The following RNF170 variants were observed in gnomAD, a reference collection of about 807,000 sequenced individuals.
RNF170 encodes the protein E3 ubiquitin-protein ligase RNF170.
In RNF170, 12 loss-of-function variants were observed where a neutral mutation model predicts 32.7. The observed-to-expected ratio is 0.37, with a 90% CI of 0.24 to 0.60. The LOEUF (loss-of-function observed/expected upper bound fraction) is 0.60. RNF170 is among the 20% of genes least tolerant of loss of function. RNF170 has a pLI of 0.72. For missense variants in RNF170, 212 were observed against 311.2 expected, an observed-to-expected ratio of 0.68 and a Z score of 2.40; for synonymous variants, 91 against 103.6, an observed-to-expected ratio of 0.88 and a Z score of 0.74.
At chr8:42,857,977 G>C (rs993477984) in intron 6 of RNF170, among the ~76,000 whole-genome samples, 1 of 152,252 alleles carries the variant, frequency 6.6e-6, no homozygotes, top group Non-Finnish European at 1.5e-5. Flanking sequence ...AGAGGTTGCA[G>C]TGAGCCGAGA....
chr8:42,872,793 T>C (rs1804623906), intron 3 of RNF170, among the ~76,000 whole-genome samples: 1 of 152,020 alleles, frequency 6.6e-6, no homozygotes, highest in African/African-American at 2.4e-5. Flanking sequence ...GGGTAGGAAT[T>C]TTTGTCTGTT....
intron 2 of RNF170, among the ~76,000 whole-genome samples, chr8:42,886,412 C>A (rs1805829718): frequency 6.6e-6 from 1 of 152,096 alleles, no homozygotes; most frequent in African/African-American, 2.4e-5. Flanking sequence ...CAGTGTATCA[C>A]CAGTATCAAT....
chr8:42,870,017 T>C lies in RNF170; in HGVS notation c.309A>G (p.Gly103=). ...TTGTTTGCTTACCACAAAAAAGATGTCCACAGTTGGTCTCCACCGGGAAGG... is the reference window on the plus strand; with the variant it reads ...TTGTTTGCTTACCACAAAAAAGATGCCCACAGTTGGTCTCCACCGGGAAGG... The part of the protein sequence containing the change: ...QASFPVETNC[G]HLFCGACIIA... The change falls in exon 4 of 7, where the codon GGA becomes GGG. Residue 103 remains glycine (G), a synonymous_variant. Coordinates refer to ENST00000527424, the MANE Select transcript of RNF170 (RefSeq NM_030954.4). 6.2e-7 allele frequency: 1 copy of C among 1,613,304 alleles called. No homozygotes were observed. The highest frequency in any genetic ancestry group is 2.2e-5 in the East Asian group (1 of 44,880).
At chr8:42,882,372 A>T in intron 2 of RNF170, among the ~76,000 whole-genome samples, 1 of 152,324 alleles carries the variant, frequency 6.6e-6, no homozygotes, top group Non-Finnish European at 1.5e-5. Context: ...TGGTATGTAC[A>T]TACAATGAGA....
chr8:42,865,070 A>C (rs976042469), intron 5 of RNF170, among the ~76,000 whole-genome samples: 1 of 151,776 alleles, frequency 6.6e-6, no homozygotes, highest in Non-Finnish European at 1.5e-5. Context: ...CAGCCTGGGC[A>C]ATGCAGGGAG....
chr8:42,891,937 A>G (rs982912229), intron 1 of RNF170, among the ~76,000 whole-genome samples: 11 of 152,188 alleles, frequency 7.2e-5, no homozygotes, highest in African/African-American at 2.7e-4. Flanking sequence ...TCAAGTATGA[A>G]TTACTTTAAC....
At chr8:42,874,035 A>T in intron 2 of RNF170, 29 bp from the exon 3 acceptor site, 1 of 1,303,812 alleles carries the variant, frequency 7.7e-7, no homozygotes, top group Non-Finnish European at 1.1e-6. Flanking sequence ...TAAATTTTGA[A>T]TAGAAAATAT....
chr8:42,856,446 A>T lies in RNF170; in HGVS notation c.508-18T>A. The T allele has an allele frequency of 6.4e-7, 1 of 1,564,498 alleles. No individual in the cohort carries two copies. The highest frequency in any genetic ancestry group is 8.8e-7 in the Non-Finnish European group (1 of 1,136,494). On this transcript the variant is annotated intron_variant, in intron 6 of 6. Transcript: ENST00000527424. ...TCCATAATCTGGTAGAGGGAAAAAC[A>T]AGTATTATGATTCAGCACCTAATGT... is the stretch of plus-strand genomic sequence containing the variant.
intron 2 of RNF170, among the ~76,000 whole-genome samples, chr8:42,876,444 A>T (rs1049751446): frequency 2.0e-5 from 3 of 151,506 alleles, no homozygotes; most frequent in African/African-American, 7.3e-5. Flanking sequence ...GTGCCCTTAT[A>T]AAAAGAGACA....
chr8:42,863,302 C>T (rs1040808700), intron 5 of RNF170, among the ~76,000 whole-genome samples: 8 of 152,094 alleles, frequency 5.3e-5, no homozygotes, highest in African/African-American at 1.9e-4. Context: ...GTACACATGT[C>T]CTATGAAAAG....
At chr8:42,875,968 T>C (rs543393803) in intron 2 of RNF170, among the ~76,000 whole-genome samples, 9 of 152,138 alleles carry the variant, frequency 5.9e-5, no homozygotes. Flanking sequence ...ACTCACTATA[T>C]GAAAGCACCC....
chr8:42,897,105 A>G (rs1355986625), upstream of RNF170: 2 of 1,237,194 alleles, frequency 1.6e-6, no homozygotes, highest in Admixed American at 4.2e-5. Context: ...GCCAGGCGGT[A>G]GGCGCTGCCT....
chr8:42,876,175 AAAG>A (rs1358595889), intron 2 of RNF170, among the ~76,000 whole-genome samples: 2 of 151,536 alleles, frequency 1.3e-5, no homozygotes, highest in African/African-American at 4.8e-5. Context: ...TTTCTATAAG[AAAG>A]AAGATGTAGG....
intron 2 of RNF170, among the ~76,000 whole-genome samples, chr8:42,874,969 C>T (rs1424057315): frequency 4.6e-5 from 7 of 151,300 alleles, no homozygotes; most frequent in Admixed American, 6.6e-5. Flanking sequence ...GTTGGGAGTT[C>T]GAGACCAGCC....
chr8:42,853,877 C>T lies in RNF170; in HGVS notation c.*2282G>A. The T allele has an allele frequency of 7.8e-7, 1 of 1,286,754 alleles. No homozygotes were observed. Among genetic ancestry groups the T allele is most frequent in the African/African-American group, 1.5e-5 (1 of 65,880 alleles). The allele number at this position is 1,286,754 out of a possible 1,614,324, so 79.7% of individuals were successfully genotyped here. On this transcript the variant is annotated 3_prime_UTR_variant, in exon 7 of 7. Transcript: ENST00000527424. The stretch of plus-strand genomic sequence containing the variant: ...TTACAAAATTTGGTACAATACACCT[C>T]TTTCAGGAAAGTCTTAGTAGTAACT...
chr8:42,887,393 CTG>C (rs1200978232), intron 2 of RNF170, among the ~76,000 whole-genome samples: 4 of 152,084 alleles, frequency 2.6e-5, no homozygotes, highest in Admixed American at 2.6e-4. Flanking sequence ...CCATTTAAAA[CTG>C]AAAGTATTTT....
intron 1 of RNF170, among the ~76,000 whole-genome samples, chr8:42,895,507 C>T (rs1007643648): frequency 6.6e-6 from 1 of 152,154 alleles, no homozygotes; most frequent in African/African-American, 2.4e-5. Flanking sequence ...GCATACTCTA[C>T]GCATCGACAA....
At chr8:42,895,408 G>C (rs903582253) in intron 1 of RNF170, among the ~76,000 whole-genome samples, 15 of 152,176 alleles carry the variant, frequency 9.9e-5, no homozygotes, top group African/African-American at 3.6e-4. Context: ...GTGGGGGAAA[G>C]GGGTTCCAGG....
intron 3 of RNF170, among the ~76,000 whole-genome samples, chr8:42,871,401 TAAAC>T (rs758210914): frequency 4.4e-4 from 67 of 152,162 alleles, no homozygotes; most frequent in Non-Finnish European, 7.8e-4. Context: ...TCAATATTCA[TAAAC>T]AAATTTAATA....
Sources: allele counts gnomAD v4.1 joint callset (sites outside exome capture counted in the v4.1 genomes callset), GRCh38; gene constraint gnomAD v4.1.1; transcripts MANE v1.5; gene names NCBI Gene and HGNC (gene_info 2026-07-23, HGNC 2026-07-21).